Variants in ULK4 observed in about 807,000 individuals in gnomAD.
ULK4 encodes inactive serine/threonine-protein kinase ULK4.
Under a neutral mutation model 160.6 loss-of-function variants are expected in ULK4, and 133 were observed. That is an observed-to-expected ratio of 0.83 (90% CI 0.72 to 0.96). ULK4 has a LOEUF of 0.96. Among genes scored for constraint, ULK4 ranks in the 40% least tolerant of loss-of-function variants. The pLI is 0.00. For synonymous variants in ULK4, 534 were observed against 539.8 expected (o/e 0.99, Z 0.15); for missense variants, 1,580 against 1,499.5 (o/e 1.05, Z -0.89).
intron 20 of ULK4, among the ~76,000 whole-genome samples, chr3:41,792,800 A>C (rs139175578): frequency 7.0e-4 from 107 of 152,382 alleles, no homozygotes; most frequent in Non-Finnish European, 1.1e-3. Flanking sequence ...GCACACTAGT[A>C]CTTGTATTTT....
chr3:41,321,207 C>T (rs2080238901), intron 35 of ULK4, among the ~76,000 whole-genome samples: 1 of 152,010 alleles, frequency 6.6e-6, no homozygotes, highest in Admixed American at 6.6e-5. Flanking sequence ...TGGTAACAGC[C>T]TCAAAAAACC....
chr3:41,919,311 A>G (rs934170980), intron 6 of ULK4, among the ~76,000 whole-genome samples: 1 of 152,152 alleles, frequency 6.6e-6, no homozygotes, highest in Non-Finnish European at 1.5e-5. Flanking sequence ...ATAAGGTCAC[A>G]GTTTTTTTGG....
intron 31 of ULK4, among the ~76,000 whole-genome samples, chr3:41,575,614 A>G (rs899277652): frequency 2.0e-5 from 3 of 152,244 alleles, no homozygotes; most frequent in Non-Finnish European, 4.4e-5. Flanking sequence ...TTTGACTGAC[A>G]GATACAGTAG....
rs533439971 is a variant in ULK4, at chr3:41,647,787, C to T, written c.3071+15820G>A. On this transcript the variant is annotated intron_variant, in intron 30 of 36. Transcript: ENST00000301831. The stretch of plus-strand genomic sequence containing the variant: ...TGCTGTCTTTTTGTTTGTCTGTGCC[C>T]TGCCCCCAGGGGTGGAGCCTACAGA... Among the ~76,000 whole-genome samples the T allele has an allele frequency of 2.0e-5, 3 of 152,356 alleles. No homozygotes were observed. In the South Asian group the frequency reaches 6.2e-4, roughly 32 times the overall value.
At chr3:41,542,649 C>A (rs1044518803) in intron 32 of ULK4, among the ~76,000 whole-genome samples, 1 of 152,104 alleles carries the variant, frequency 6.6e-6, no homozygotes, top group African/African-American at 2.4e-5. Context: ...CCATCTGGTC[C>A]TGGACTTTTT....
At chr3:41,360,154 A>G (rs191375460) in intron 35 of ULK4, among the ~76,000 whole-genome samples, 193 of 152,312 alleles carry the variant, frequency 1.3e-3, no homozygotes, top group African/African-American at 4.5e-3. Flanking sequence ...ACAGCCAACA[A>G]ACATGAAAAA....
Position 41,654,661 on chromosome 3 carries a change from C to T in ULK4, c.3071+8946G>A, listed in dbSNP as rs145366913. ...GAAGCAAAAACTCAAAATTTGCTCACTGTTTTAAATATTTTATGCTTGCGT... is the reference window on the plus strand; with the variant it reads ...GAAGCAAAAACTCAAAATTTGCTCATTGTTTTAAATATTTTATGCTTGCGT... On this transcript the variant is annotated intron_variant, in intron 30 of 36. Transcript: ENST00000301831. 5.6e-3 allele frequency among the ~76,000 whole-genome samples: 860 copies of T among 152,292 alleles called. 3 individuals carry two copies. The highest frequency in any genetic ancestry group is 9.2e-3 in the Non-Finnish European group (628 of 68,016).
At chr3:41,288,686 T>C (rs2079506944) in intron 35 of ULK4, among the ~76,000 whole-genome samples, 1 of 152,260 alleles carries the variant, frequency 6.6e-6, no homozygotes, top group South Asian at 2.1e-4. Context: ...TTAGTGTTTT[T>C]GTTATTTGCT....
intron 35 of ULK4, among the ~76,000 whole-genome samples, chr3:41,260,920 C>T (rs1245460258): frequency 6.6e-6 from 1 of 152,202 alleles, no homozygotes; most frequent in African/African-American, 2.4e-5. Context: ...CTGGGAGGCC[C>T]CAAGCATACT....
rs956016171 is a variant in ULK4, at chr3:41,266,563, T to C, written c.3679-16989A>G. ...GTTTGGCTGCAAATACGCTGGACTT[T>C]GTCATTGTTTCTTTGCATTTTTCTT... On this transcript the variant is annotated intron_variant, in intron 35 of 36. Coordinates refer to ENST00000301831, the MANE Select transcript of ULK4 (RefSeq NM_017886.4). Among the ~76,000 whole-genome samples, 4 of 152,280 alleles carry C rather than the reference T, an allele frequency of 2.6e-5. No individual in the cohort carries two copies. The South Asian group carries it at 6.2e-4, about 24-fold the overall frequency.
intron 35 of ULK4, among the ~76,000 whole-genome samples, chr3:41,298,719 C>A (rs2079722532): frequency 6.6e-6 from 1 of 152,146 alleles, no homozygotes; most frequent in South Asian, 2.1e-4. Flanking sequence ...GAGAGTCAAA[C>A]AGAAGAGATA....
At chr3:41,790,663 G>A (rs943191087) in intron 20 of ULK4, among the ~76,000 whole-genome samples, 10 of 152,168 alleles carry the variant, frequency 6.6e-5, no homozygotes, top group African/African-American at 1.9e-4. Context: ...ACATAAAGAC[G>A]TAAGCTGTCT....
intron 34 of ULK4, among the ~76,000 whole-genome samples, chr3:41,419,415 T>C (rs1575535954): frequency 6.6e-6 from 1 of 151,982 alleles, no homozygotes; most frequent in Admixed American, 6.6e-5. Context: ...CTCGTGGAGG[T>C]ATTATTTAGG....
chr3:41,789,583 G>T, intron 21 of ULK4, 78 bp downstream of exon 21: 1 of 1,342,566 alleles, frequency 7.4e-7, no homozygotes, highest in Non-Finnish European at 1.0e-6. Context: ...CTACAAACAT[G>T]ACATTACTTG....
chr3:41,744,773 C>A (rs895426328), intron 22 of ULK4, among the ~76,000 whole-genome samples: 1 of 151,732 alleles, frequency 6.6e-6, no homozygotes, highest in Non-Finnish European at 1.5e-5. Flanking sequence ...GCTTTTCAAG[C>A]GCCCTGTACC....
intron 35 of ULK4, among the ~76,000 whole-genome samples, chr3:41,266,657 T>C (rs2125681715): frequency 6.6e-6 from 1 of 152,300 alleles, no homozygotes; most frequent in South Asian, 2.1e-4. Flanking sequence ...CTGTTTTCAG[T>C]TGGGTTAGAG....
intron 22 of ULK4, among the ~76,000 whole-genome samples, chr3:41,723,617 T>C (rs1296447388): frequency 6.6e-6 from 1 of 152,244 alleles, no homozygotes; most frequent in East Asian, 1.9e-4. Flanking sequence ...AAAAGCAGTT[T>C]GAACCTTACA....
Position 41,755,376 on chromosome 3 carries a change from T to A in ULK4, c.2194-888A>T, listed in dbSNP as rs578164848. 1.6e-3 allele frequency among the ~76,000 whole-genome samples: 237 copies of A among 152,316 alleles called. 1 individual carries two copies. The highest frequency in any genetic ancestry group is 3.9e-3 in the Admixed American group (59 of 15,306). ...CATAGTCATGTATATGCCATGTAAA[T>A]TCTATGCTACTTAAGGATAAAAACA... On this transcript the variant is annotated intron_variant, in intron 21 of 36. Transcript: ENST00000301831.
chr3:41,539,599 T>G (rs968079229), intron 32 of ULK4, among the ~76,000 whole-genome samples: 5 of 152,246 alleles, frequency 3.3e-5, no homozygotes, highest in Non-Finnish European at 5.9e-5. Flanking sequence ...GGAAAAAAAT[T>G]AAATTATGAA....
Sources: allele counts gnomAD v4.1 joint callset (sites outside exome capture counted in the v4.1 genomes callset), GRCh38; gene constraint gnomAD v4.1.1; transcripts MANE v1.5; gene names NCBI Gene and HGNC (gene_info 2026-07-23, HGNC 2026-07-21).